DACH2: variants seen among roughly 807,000 people sequenced by gnomAD.
DACH2 encodes dachshund homolog 2.
DACH2 carries 17 observed loss-of-function variants against 35.8 expected under a neutral mutation model. The ratio of observed to expected loss-of-function variants is 0.48; its 90% CI spans 0.33 to 0.71. The LOEUF is 0.71. Among genes scored for constraint, DACH2 ranks in the 30% least tolerant of loss-of-function variants. DACH2 has a pLI of 0.02. For synonymous variants in DACH2, 195 were observed against 177.3 expected, an observed-to-expected ratio of 1.10 and a Z score of -0.79; for missense variants, 469 against 472.7, an observed-to-expected ratio of 0.99 and a Z score of 0.07.
At chrX:86,471,061 CAATT>C (rs1569413384) in intron 2 of DACH2, among the ~76,000 whole-genome samples, 1 of 111,470 alleles carries the variant, frequency 9.0e-6, no homozygotes, top group East Asian at 2.8e-4. Flanking sequence ...TTTTCTTTAA[CAATT>C]AAACAGTTAA....
At chrX:86,633,069 AAAACAAACAAAC>A (rs1001020706) in intron 3 of DACH2, among the ~76,000 whole-genome samples, 1 of 109,343 alleles carries the variant, frequency 9.1e-6, no homozygotes, top group Non-Finnish European at 1.9e-5. Flanking sequence ...AAAGCTAGCC[AAAACAAACAAAC>A]AAACAAACAA....
intron 3 of DACH2, among the ~76,000 whole-genome samples, chrX:86,521,994 T>A (rs1357001463): frequency 8.9e-6 from 1 of 111,915 alleles, no homozygotes; most frequent in Non-Finnish European, 1.9e-5. Context: ...TGTGCCATAT[T>A]GCTTTATTTG....
At chrX:86,331,483 C>CA (rs1239054567) in intron 1 of DACH2, among the ~76,000 whole-genome samples, 3 of 110,523 alleles carry the variant, frequency 2.7e-5, no homozygotes, top group South Asian at 3.8e-4. Context: ...AACAAACAAA[C>CA]AAACAAAAAA....
At chrX:86,224,169 T>A (rs1219467673) in intron 1 of DACH2, among the ~76,000 whole-genome samples, 4 of 111,811 alleles carry the variant, frequency 3.6e-5, no homozygotes, top group African/African-American at 9.7e-5. Context: ...GCTTTTTTTT[T>A]CACTTGGAAA....
chrX:86,620,765 C>A (rs1426725107), intron 3 of DACH2, among the ~76,000 whole-genome samples: 2 of 107,047 alleles, frequency 1.9e-5, no homozygotes. Context: ...GGAATAAATG[C>A]CACTAAATAA....
intron 2 of DACH2, among the ~76,000 whole-genome samples, chrX:86,440,847 G>A (rs2037148730): frequency 9.0e-6 from 1 of 111,105 alleles, no homozygotes; most frequent in African/African-American, 3.3e-5. Flanking sequence ...TTGTCTTCCA[G>A]CTATTTTGAA....
chrX:86,214,885 C>G (rs772334283), intron 1 of DACH2, among the ~76,000 whole-genome samples: 75 of 111,216 alleles, frequency 6.7e-4, no homozygotes, highest in Non-Finnish European at 1.0e-3. Context: ...AAACCTAATC[C>G]TATTGTATCA....
chrX:86,229,834 C>T (rs767062642), intron 1 of DACH2, among the ~76,000 whole-genome samples: 3 of 95,459 alleles, frequency 3.1e-5, no homozygotes, highest in Non-Finnish European at 5.7e-5. Flanking sequence ...AGAAACTTTG[C>T]TGAATTTTTT....
chrX:86,694,809 T>C (rs1324338257), intron 4 of DACH2, among the ~76,000 whole-genome samples: 1 of 111,857 alleles, frequency 8.9e-6, no homozygotes, highest in Non-Finnish European at 1.9e-5. Context: ...AGAGTGCCTA[T>C]ACTATTATTG....
In DACH2 at chrX:86,706,401, T is replaced by A. The variant is rs1399490078; in HGVS notation, c.932-8147T>A. 2.7e-5 allele frequency among the ~76,000 whole-genome samples: 3 copies of A among 111,494 alleles called. No homozygotes were observed. In the Admixed American group the frequency reaches 2.9e-4, roughly 11 times the overall value. On this transcript the variant is annotated intron_variant, in intron 5 of 11. Transcript: ENST00000373125. ...CTGTTATAAGGTATTTTTAGTACCC[T>A]TAAAGTAGTATAGTGGTATTTGTAA...
intron 1 of DACH2, among the ~76,000 whole-genome samples, chrX:86,323,076 A>T (rs2035046184): frequency 8.9e-6 from 1 of 112,614 alleles, no homozygotes; most frequent in Admixed American, 9.4e-5. Context: ...AAGGTTCTGC[A>T]TGGAGCGGAT....
Position 86,360,874 on chromosome X carries a change from AT to A in DACH2, c.489-15945del, listed in dbSNP as rs1216232306. On this transcript the variant is annotated intron_variant, in intron 1 of 11. Coordinates refer to ENST00000373125, the MANE Select transcript of DACH2 (RefSeq NM_053281.3). ...ATATTTTAATGGTACTTTAATATTT[AT>A]TTTTGAGTGATAATCCAGAATGTGC... 2.7e-4 allele frequency among the ~76,000 whole-genome samples: 30 copies of A among 111,536 alleles called. No individual in the cohort carries two copies. In the Admixed American group the frequency reaches 2.9e-3, roughly 11 times the overall value.
At chrX:86,527,064 G>A (rs1223890958) in intron 3 of DACH2, among the ~76,000 whole-genome samples, 1 of 110,858 alleles carries the variant, frequency 9.0e-6, no homozygotes, top group African/African-American at 3.3e-5. Context: ...ATTGAGGTGA[G>A]GGTAAGAAAG....
intron 1 of DACH2, among the ~76,000 whole-genome samples, chrX:86,202,465 T>C (rs780140519): frequency 2.7e-5 from 3 of 111,453 alleles, no homozygotes; most frequent in South Asian, 7.5e-4. Context: ...AGGAAGGGGA[T>C]TCTAAGCAGA....
chrX:86,314,268 A>G (rs962561688), intron 1 of DACH2, among the ~76,000 whole-genome samples: 1 of 111,355 alleles, frequency 9.0e-6, no homozygotes, highest in African/African-American at 3.3e-5. Flanking sequence ...TTTAATTACA[A>G]CACTTTGGGA....
intron 7 of DACH2, among the ~76,000 whole-genome samples, chrX:86,810,603 C>G (rs2042385775): frequency 9.0e-6 from 1 of 111,294 alleles, no homozygotes; most frequent in African/African-American, 3.3e-5. Flanking sequence ...AATGCATTCA[C>G]GTGGAGAAGA....
intron 2 of DACH2, among the ~76,000 whole-genome samples, chrX:86,460,960 C>CA (rs1174153008): frequency 9.0e-6 from 1 of 111,422 alleles, no homozygotes; most frequent in Non-Finnish European, 1.9e-5. Flanking sequence ...TTGCCTTGCA[C>CA]AAATTGATAG....
intron 4 of DACH2, among the ~76,000 whole-genome samples, chrX:86,656,156 T>C (rs998370343): frequency 2.7e-5 from 3 of 110,091 alleles, no homozygotes; most frequent in African/African-American, 9.9e-5. Context: ...CAAATAGTGA[T>C]TCTCAGAGAC....
rs747522910 is a variant in DACH2 at position 86,286,220 on chromosome X, C to T, written c.489-90604C>T. 7.6e-3 allele frequency among the ~76,000 whole-genome samples: 709 copies of T among 93,526 alleles called. 10 individuals carry two copies. The highest frequency in any genetic ancestry group is 0.025 in the African/African-American group (653 of 25,733). The allele number at this position is 93,526 out of a possible 115,157, so 81.2% of individuals were successfully genotyped here. A position where few individuals can be genotyped will look rare whatever the true frequency, so the allele number is the denominator to read the frequency against. ...TCGGCTCACTGCAAGCTCCGCTTCC[C>T]GGGTTCACGCCATTCTCCTGCCTCA... On this transcript the variant is annotated intron_variant, in intron 1 of 11. Transcript: ENST00000373125.
Sources: allele counts gnomAD v4.1 joint callset (sites outside exome capture counted in the v4.1 genomes callset), GRCh38; gene constraint gnomAD v4.1.1; transcripts MANE v1.5; gene names NCBI Gene and HGNC (gene_info 2026-07-23, HGNC 2026-07-21).